The following PKD2 variants were observed in gnomAD, a reference collection of about 807,000 sequenced individuals.
PKD2 encodes the protein polycystin 2, transient receptor potential cation channel, also known as polycystin-2.
PKD2 carries 48 observed loss-of-function variants against 105.9 expected under a neutral mutation model. That is an observed-to-expected ratio of 0.45 (90% CI 0.36 to 0.58). PKD2 has a LOEUF of 0.58. Among genes scored for constraint, PKD2 ranks in the 20% least tolerant of loss-of-function variants. PKD2 has a pLI of 0.00. For missense variants in PKD2, 1,078 were observed against 1,255.3 expected (o/e 0.86, Z 2.13); for synonymous variants, 464 against 481.1 (o/e 0.96, Z 0.46).
intron 13 of PKD2, among the ~76,000 whole-genome samples, chr4:88,070,629 A>AAAG (rs1720996689): frequency 3.4e-5 from 3 of 87,536 alleles, no homozygotes; most frequent in African/African-American, 7.9e-5. Context: ...GAGAGAGAGA[A>AAAG]AGAGAGAGAG....
intron 6 of PKD2, among the ~76,000 whole-genome samples, chr4:88,049,800 C>G (rs1719970906): frequency 6.6e-6 from 1 of 151,646 alleles, no homozygotes; most frequent in African/African-American, 2.4e-5. Flanking sequence ...CTTTATTTTC[C>G]TTTTTTCTTT....
In PKD2 at chr4:88,038,473, G is replaced by A. The variant is rs1182170331; in HGVS notation, c.1066G>A (p.Ala356Thr). The A allele has an allele frequency of 1.2e-6, 2 of 1,613,764 alleles. No homozygotes were observed. The highest frequency in any genetic ancestry group is 1.7e-6 in the Non-Finnish European group (2 of 1,179,698). ...CTACTCTGTCAGTAGTGAAGATAGG[G>A]CTCCCTTTGGGCCCCGAAATGGAAC... is the stretch of plus-strand genomic sequence containing the variant. Reference protein sequence around the residue: ...DVYSVSSEDRAPFGPRNGTAW... With the variant: ...DVYSVSSEDRTPFGPRNGTAW... The change falls in exon 4 of 15, where the codon GCT becomes ACT. Residue 356 changes from alanine to threonine, a missense_variant. Physicochemically the swap from Ala to Thr is moderately conservative, Grantham distance 58. This residue lies in a region of PKD2 where 868 missense variants were observed against 1,067.3 expected (regional missense o/e 0.81). Coordinates refer to ENST00000237596, the MANE Select transcript of PKD2 (RefSeq NM_000297.4).
At chr4:88,015,928 C>T (rs1394147710) in intron 1 of PKD2, among the ~76,000 whole-genome samples, 1 of 152,172 alleles carries the variant, frequency 6.6e-6, no homozygotes, top group Non-Finnish European at 1.5e-5. Flanking sequence ...CAGGGACCGG[C>T]TTCATGGAAG....
intron 13 of PKD2, among the ~76,000 whole-genome samples, chr4:88,069,310 G>A (rs988086996): frequency 2.0e-4 from 30 of 151,894 alleles, no homozygotes; most frequent in Non-Finnish European, 7.4e-5. Flanking sequence ...TGATGTAGTT[G>A]ATTTCTGTCT....
At chr4:88,061,119 T>C (rs1008014874) in intron 9 of PKD2, among the ~76,000 whole-genome samples, 3 of 152,148 alleles carry the variant, frequency 2.0e-5, no homozygotes, top group African/African-American at 7.2e-5. Flanking sequence ...TAAAAATGTG[T>C]CCTGTAAATT....
chr4:88,068,152 A>G (rs1720866051), intron 13 of PKD2, 91 bp downstream of exon 13: 1 of 1,014,806 alleles, frequency 9.9e-7, no homozygotes, highest in Admixed American at 1.7e-5. Flanking sequence ...ACTCCTTTCC[A>G]TTACTAATCA....
rs778836129 is a variant in PKD2, at chr4:88,052,028, C to T, written c.1586C>T (p.Thr529Ile). The change falls in exon 7 of 15, where the codon ACA (threonine) becomes ATA (isoleucine). Residue 529 changes from threonine (T) to isoleucine (I), a missense_variant. Transcript: ENST00000237596. Reference sequence around the variant, plus strand: ...GCTATAGGAATTAACATATACAGAACATCAAATGTGGAGGTGCTACTACAG... The same window carrying T: ...GCTATAGGAATTAACATATACAGAATATCAAATGTGGAGGTGCTACTACAG... ...VVAIGINIYRTSNVEVLLQFL... is the reference protein window; with the variant it reads ...VVAIGINIYRISNVEVLLQFL... The T allele has an allele frequency of 6.9e-6, 11 of 1,598,900 alleles. No individual in the cohort carries two copies. Among genetic ancestry groups the T allele is most frequent in the Middle Eastern group, 1.7e-4 (1 of 6,032 alleles).
chr4:88,043,107 G>A (rs944787016), intron 4 of PKD2, 126 bp from the exon 5 acceptor site: 5 of 698,706 alleles, frequency 7.2e-6, no homozygotes, highest in Admixed American at 2.1e-5. Context: ...TGCCAGGTCA[G>A]GCACAGTACC....
intron 4 of PKD2, among the ~76,000 whole-genome samples, chr4:88,042,933 G>A (rs1727625064): frequency 6.6e-6 from 1 of 152,154 alleles, no homozygotes; most frequent in Admixed American, 6.5e-5. Flanking sequence ...AAACTGAGCA[G>A]AGGCTCTAGA....
intron 6 of PKD2, among the ~76,000 whole-genome samples, chr4:88,050,175 C>T (rs59994479): frequency 0.081 from 12,365 of 151,878 alleles, 707 homozygotes; most frequent in East Asian, 0.25. Flanking sequence ...AGGGTTTCAC[C>T]GAGTTAGCCA....
intron 5 of PKD2, among the ~76,000 whole-genome samples, chr4:88,043,983 C>T (rs938242299): frequency 1.3e-4 from 20 of 152,170 alleles, no homozygotes; most frequent in African/African-American, 4.6e-4. Flanking sequence ...GGGATGTTGC[C>T]ATGATGACCC....
Position 88,076,380 on chromosome 4 carries a change from C to T in PKD2, c.*686C>T, listed in dbSNP as rs545077798. On this transcript the variant is annotated 3_prime_UTR_variant, in exon 15 of 15. Coordinates refer to ENST00000237596, the MANE Select transcript of PKD2 (RefSeq NM_000297.4). Reference sequence around the variant, plus strand: ...AATTTGAATAAGCTGAGTAAAACCACCAAAGATCAGTTATAGGATAAAATG... The same window carrying T: ...AATTTGAATAAGCTGAGTAAAACCATCAAAGATCAGTTATAGGATAAAATG... 6.6e-6 allele frequency: 1 copy of T among 152,424 alleles called. No individual in the cohort carries two copies. The highest frequency in any genetic ancestry group is 1.9e-4 in the East Asian group (1 of 5,186). The allele number at this position is 152,424 out of a possible 1,614,324, so 9.4% of individuals were successfully genotyped here. A position where few individuals can be genotyped will look rare whatever the true frequency, so the allele number is the denominator to read the frequency against.
At chr4:88,024,482 AGAAAG>A (rs1726882256) in intron 2 of PKD2, among the ~76,000 whole-genome samples, 1 of 124,840 alleles carries the variant, frequency 8.0e-6, no homozygotes, top group African/African-American at 3.4e-5. Flanking sequence ...AAAAAAAAAA[AGAAAG>A]AAAGAAGGAA....
In PKD2 at chr4:88,065,808, G is replaced by A. The variant is rs778534487; in HGVS notation, c.2287G>A (p.Asp763Asn). 2.5e-6 allele frequency: 4 copies of A among 1,613,676 alleles called. No individual in the cohort carries two copies. Among genetic ancestry groups the A allele is most frequent in the African/African-American group, 1.3e-5 (1 of 75,002 alleles). The change falls in exon 12 of 15, where the codon GAC becomes AAC. Residue 763 changes from aspartate to asparagine, a missense_variant. Transcript: ENST00000237596. ...AEIEAIFTKY[D>N]QDGDQELTEH... The stretch of plus-strand genomic sequence containing the variant: ...GATTGAGGCAATATTCACAAAGTAC[G>A]ACCAAGATGGAGACCAAGAACTGAC...
chr4:88,070,421 A>G (rs551088604), intron 13 of PKD2, among the ~76,000 whole-genome samples: 1 of 151,682 alleles, frequency 6.6e-6, no homozygotes, highest in Non-Finnish European at 1.5e-5. Flanking sequence ...TATTTCTCTT[A>G]GGCTCTGTTC....
At chr4:88,037,245 C>T (rs1727368369) in intron 3 of PKD2, among the ~76,000 whole-genome samples, 4 of 151,630 alleles carry the variant, frequency 2.6e-5, no homozygotes, top group Admixed American at 2.6e-4. Context: ...AAAAAAAATC[C>T]CCCCCAAAAA....
chr4:88,024,992 G>C (rs571252955), intron 2 of PKD2, among the ~76,000 whole-genome samples: 1 of 152,232 alleles, frequency 6.6e-6, no homozygotes, highest in East Asian at 1.9e-4. Flanking sequence ...AACTAGCCAG[G>C]CGTGGTGGCA....
At chr4:88,067,771 T>G (rs1385424003) in intron 12 of PKD2, 127 bp from the exon 13 acceptor site, 6 of 804,744 alleles carry the variant, frequency 7.5e-6, no homozygotes, top group Non-Finnish European at 2.1e-6. Flanking sequence ...AGTCCCAGCC[T>G]GGTGTTAAAT....
At position 88,021,307 on chromosome 4, in the gene PKD2, G is replaced by A. The variant is rs548290533; in HGVS notation, c.709+1736G>A. ...CCTCCATAATGTAGCCTAGAGAAAC[G>A]AGTTTTCAGATGTAGTGATAAATTT... is the stretch of plus-strand genomic sequence containing the variant. On this transcript the variant is annotated intron_variant, in intron 2 of 14. Coordinates refer to ENST00000237596, the MANE Select transcript of PKD2 (RefSeq NM_000297.4). Among the ~76,000 whole-genome samples the A allele has an allele frequency of 5.3e-5, 8 of 152,320 alleles. No homozygotes were observed. The East Asian group carries it at 1.5e-3, about 29-fold the overall frequency.
Sources: gnomAD v4.1 joint callset for allele counts (sites outside exome capture counted in the v4.1 genomes callset) on GRCh38, gnomAD v4.1.1 for gene constraint, gnomAD v4.1.1 regional missense constraint, MANE v1.5 for transcripts, NCBI Gene and HGNC (gene_info 2026-07-23, HGNC 2026-07-21) for gene names.